Variants in HARBI1 observed in about 807,000 individuals in gnomAD.
The protein encoded by HARBI1 is putative nuclease HARBI1.
Under a neutral mutation model 25.3 loss-of-function variants are expected in HARBI1, and 15 were observed. The observed-to-expected ratio is 0.59, with a 90% CI of 0.40 to 0.91. The LOEUF (loss-of-function observed/expected upper bound fraction) is 0.91. HARBI1 is among the 40% of genes least tolerant of loss of function. The pLI is 0.00. For missense variants in HARBI1, 396 were observed against 445.8 expected, an observed-to-expected ratio of 0.89 and a Z score of 1.01; for synonymous variants, 168 against 160.5, an observed-to-expected ratio of 1.05 and a Z score of -0.35.
chr11:46,608,096 T>C (rs1000138243), intron 2 of HARBI1, among the ~76,000 whole-genome samples: 59 of 151,986 alleles, frequency 3.9e-4, no homozygotes, highest in African/African-American at 1.4e-3. Context: ...GTTGGGAGTT[T>C]GAGACCAGCC....
At chr11:46,604,394 A>C (rs1049757244) in intron 2 of HARBI1, 6 of 886,716 alleles carry the variant, frequency 6.8e-6, no homozygotes, top group Non-Finnish European at 8.1e-6. Flanking sequence ...GACAAGCGCG[A>C]AACTCCATCT....
rs2045460600 is a variant in HARBI1 at position 46,616,333 on chromosome 11, T to C, written c.-96A>G. 6.6e-7 allele frequency: 1 copy of C among 1,505,176 alleles called. No individual in the cohort carries two copies. The highest frequency in any genetic ancestry group is 1.4e-5 in the African/African-American group (1 of 71,966). 93.2% of individuals were successfully genotyped at this position (1,505,176 alleles called of 1,614,324 possible). ...ACGTATTTTTAAGAAAGTATCAGAA[T>C]CCAACAGCTAACCACAGTTAAATGG... On this transcript the variant is annotated 5_prime_UTR_variant, in exon 2 of 3. Coordinates refer to ENST00000326737, the MANE Select transcript of HARBI1 (RefSeq NM_173811.4).
Position 46,615,726 on chromosome 11 carries a change from A to G in HARBI1, c.512T>C (p.Leu171Pro), listed in dbSNP as rs1011302103. 1.9e-6 allele frequency: 3 copies of G among 1,614,080 alleles called. No individual in the cohort carries two copies. The highest frequency in any genetic ancestry group is 2.7e-5 in the African/African-American group (2 of 74,934). The change falls in exon 2 of 3, where the codon CTG becomes CCG. Residue 171 changes from leucine to proline, a missense_variant. Physicochemically the swap from Leu to Pro is moderately conservative, Grantham distance 98. Transcript: ENST00000326737. The part of the protein sequence containing the change: ...EDLSYVNRKG[L>P]HSLNCLMVCD... ...CACCATCAGGCAGTTTAAAGAATGC[A>G]GGCCTTTTCGGTTCACATAGGAGAG...
chr11:46,616,031 T>C lies in HARBI1; in HGVS notation c.207A>G (p.Pro69=), dbSNP rs974113361. The change falls in exon 2 of 3, where the codon CCA becomes CCG. Residue 69 remains proline (P), a synonymous_variant. Coordinates refer to ENST00000326737, the MANE Select transcript of HARBI1 (RefSeq NM_173811.4). ...CCAATGCTGCAAGGACCTGTGTCTCTGGGCTAATAGCCCTGGATCGCTGAG... is the reference window on the plus strand; with the variant it reads ...CCAATGCTGCAAGGACCTGTGTCTCCGGGCTAATAGCCCTGGATCGCTGAG... ...RPTQRSRAIS[P]ETQVLAALGF... 1 of 1,614,226 alleles carries C rather than the reference T, an allele frequency of 6.2e-7. No individual in the cohort carries two copies. Among genetic ancestry groups the C allele is most frequent in the Non-Finnish European group, 8.5e-7 (1 of 1,180,038 alleles).
intron 2 of HARBI1, among the ~76,000 whole-genome samples, chr11:46,610,335 T>C (rs1223759145): frequency 6.9e-6 from 1 of 145,900 alleles, no homozygotes; most frequent in Non-Finnish European, 1.5e-5. Context: ...TACATGTGTG[T>C]GTATGTATAT....
In HARBI1 at chr11:46,615,950, A is replaced by G. The variant is rs754400630; in HGVS notation, c.288T>C (p.Ser96=). Residue 96 remains serine, a synonymous_variant, in exon 2 of 3, where the codon AGT becomes AGC. Transcript: ENST00000326737. ...CAACACAACGACTCATAGACGCCTG[A>G]CTGATTCCAATGGCATCTCCCATCC... is the stretch of plus-strand genomic sequence containing the variant. ...QTRMGDAIGI[S]QASMSRCVAN... is the part of the protein sequence containing the mutation. The G allele has an allele frequency of 1.2e-6, 2 of 1,614,202 alleles. No individual in the cohort carries two copies. The highest frequency in any genetic ancestry group is 2.2e-5 in the South Asian group (2 of 91,090).
At chr11:46,608,817 G>A (rs891061143) in intron 2 of HARBI1, among the ~76,000 whole-genome samples, 4 of 151,476 alleles carry the variant, frequency 2.6e-5, no homozygotes, top group African/African-American at 9.7e-5. Flanking sequence ...GTTTCACCAT[G>A]TTGGCCAGGC....
At chr11:46,617,707 G>T (rs1263439176), upstream of HARBI1, 2 of 397,306 alleles carry the variant, frequency 5.0e-6, no homozygotes, top group Non-Finnish European at 8.9e-6. Context: ...GGAGTCTTAG[G>T]AGCAAAACGT....
Position 46,603,606 on chromosome 11 carries a change from T to A in HARBI1, c.974A>T (p.Glu325Val). 1 of 1,614,114 alleles carries A rather than the reference T, an allele frequency of 6.2e-7. No individual in the cohort carries two copies. Among genetic ancestry groups the A allele is most frequent in the Non-Finnish European group, 8.5e-7 (1 of 1,179,994 alleles). ...TGPMEQPPEEEYEHMESLDLE... is the reference protein window; with the variant it reads ...TGPMEQPPEEVYEHMESLDLE... ...GTCCAGGGACTCCATGTGCTCATAC[T>A]CCTCTTCCGGGGGCTGTTCCATGGG... Residue 325 changes from glutamate (E) to valine (V), a missense_variant, in exon 3 of 3, where the codon GAG becomes GTG. By Grantham distance (121) the Glu-to-Val change is moderately radical (BLOSUM62 -2). Transcript: ENST00000326737.
At chr11:46,611,817 T>C (rs1221039109) in intron 2 of HARBI1, among the ~76,000 whole-genome samples, 2 of 151,956 alleles carry the variant, frequency 1.3e-5, no homozygotes, top group East Asian at 1.9e-4. Flanking sequence ...GATGAAACAA[T>C]TGCAAAATCT....
At chr11:46,612,118 A>C (rs1316001304) in intron 2 of HARBI1, among the ~76,000 whole-genome samples, 1 of 152,164 alleles carries the variant, frequency 6.6e-6, no homozygotes, top group East Asian at 1.9e-4. Context: ...GCATCAACTC[A>C]CAACAAGCAC....
At chr11:46,605,255 C>T (rs1266388554) in intron 2 of HARBI1, among the ~76,000 whole-genome samples, 3 of 152,084 alleles carry the variant, frequency 2.0e-5, no homozygotes, top group Non-Finnish European at 2.9e-5. Flanking sequence ...GCTCTGTCAC[C>T]CAGGCTGGAA....
intron 2 of HARBI1, among the ~76,000 whole-genome samples, chr11:46,609,010 G>A (rs1202996391): frequency 6.7e-6 from 1 of 148,424 alleles, no homozygotes; most frequent in Non-Finnish European, 1.5e-5. Flanking sequence ...TGCAACCTCC[G>A]CCTCCCAGGT....
intron 2 of HARBI1, among the ~76,000 whole-genome samples, chr11:46,607,542 A>G (rs1023422248): frequency 5.9e-5 from 9 of 152,228 alleles, no homozygotes; most frequent in African/African-American, 2.2e-4. Flanking sequence ...AAGTTTCTCT[A>G]AGAAATGGTA....
intron 2 of HARBI1, among the ~76,000 whole-genome samples, chr11:46,606,128 C>T (rs2044939315): frequency 6.6e-6 from 1 of 152,068 alleles, no homozygotes. Flanking sequence ...TCATGCGATC[C>T]ACCCCCTTCG....
chr11:46,616,082 G>A lies in HARBI1; in HGVS notation c.156C>T (p.Leu52=). The change falls in exon 2 of 3, where the codon CTC becomes CTT. Residue 52 remains leucine, a synonymous_variant. Transcript: ENST00000326737. ...TAGGCCTAGAAAGATTCGCCCCCAAGAGCTCCACCAAGTAATAAATGAACT... is the reference window on the plus strand; with the variant it reads ...TAGGCCTAGAAAGATTCGCCCCCAAAAGCTCCACCAAGTAATAAATGAACT... ...PRQFIYYLVE[L]LGANLSRPTQ... is the part of the protein sequence containing the mutation. 5 of 1,614,154 alleles carry A rather than the reference G, an allele frequency of 3.1e-6. No individual in the cohort carries two copies. The highest frequency in any genetic ancestry group is 4.2e-6 in the Non-Finnish European group (5 of 1,180,032).
In HARBI1 at chr11:46,603,760, G is replaced by A; in HGVS notation, c.820C>T (p.Leu274=). 6.2e-7 allele frequency: 1 copy of A among 1,614,188 alleles called. No individual in the cohort carries two copies. Among genetic ancestry groups the A allele is most frequent in the Non-Finnish European group, 8.5e-7 (1 of 1,180,038 alleles). The change falls in exon 3 of 3, where the codon CTG becomes TTG. Residue 274 remains leucine (L), a synonymous_variant. Coordinates refer to ENST00000326737, the MANE Select transcript of HARBI1 (RefSeq NM_173811.4). ...FRTLCSRFRC[L]DGSKGALQYS... is the part of the protein sequence containing the mutation. ...TGCAGTGCCCCCTTGGATCCATCCA[G>A]GCAGCGGAATCGGGAGCAGAGGGTT...
At position 46,616,831 on chromosome 11, in the gene HARBI1, CAAAAAAAAAAAAAA is replaced by C. The variant is rs749013239; in HGVS notation, c.-145+279_-145+292del. ...ACCAGTCTAACAAGAAAAGAAGGGG[CAAAAAAAAAAAAAA>C]AAAAAAAAAAAAAAAAACAACCAAA... is the stretch of plus-strand genomic sequence containing the variant. On this transcript the variant is annotated intron_variant, in intron 1 of 2. Coordinates refer to ENST00000326737, the MANE Select transcript of HARBI1 (RefSeq NM_173811.4). 3.3e-3 allele frequency: 2,005 copies of C among 604,372 alleles called. 1 individual carries two copies. Among genetic ancestry groups the C allele is most frequent in the South Asian group, 4.5e-3 (56 of 12,390 alleles). The allele number at this position is 604,372 out of a possible 1,614,324, so 37.4% of individuals were successfully genotyped here. A position where few individuals can be genotyped will look rare whatever the true frequency, so the allele number is the denominator to read the frequency against.
intron 2 of HARBI1, among the ~76,000 whole-genome samples, chr11:46,605,839 G>C (rs528466865): frequency 6.7e-6 from 1 of 149,754 alleles, no homozygotes; most frequent in Non-Finnish European, 1.5e-5. Flanking sequence ...CACCCACCTC[G>C]GCCTCCCAAA....
Sources: allele counts gnomAD v4.1 joint callset (sites outside exome capture counted in the v4.1 genomes callset), GRCh38; gene constraint gnomAD v4.1.1; transcripts MANE v1.5; gene names NCBI Gene and HGNC (gene_info 2026-07-23, HGNC 2026-07-21).